AQP7B: variants seen among roughly 807,000 people sequenced by gnomAD.
The protein encoded by AQP7B is putative aquaporin-7B.
chr2:94,588,430 G>A, the AQP7B span: 10 of 609,128 alleles, frequency 1.6e-5, no homozygotes, highest in African/African-American at 1.9e-4. Flanking sequence ...GGGGACCAAG[G>A]TCTGATGGAA....
At chr2:94,604,261 C>T in the AQP7B span, 1 of 1,574,000 alleles carries the variant, frequency 6.4e-7, no homozygotes, top group East Asian at 2.2e-5. Context: ...TCAGCCCCCT[C>T]AGCAGGCCTC....
the AQP7B span, among the ~76,000 whole-genome samples, chr2:94,593,706 G>A: frequency 6.6e-6 from 1 of 151,760 alleles, no homozygotes; most frequent in South Asian, 2.1e-4. Flanking sequence ...GGCTGGTCTC[G>A]AACTCCCAAC....
chr2:94,590,588 A>G, the AQP7B span, among the ~76,000 whole-genome samples: 1 of 152,068 alleles, frequency 6.6e-6, no homozygotes, highest in East Asian at 1.9e-4. Flanking sequence ...TAGATAATTC[A>G]ATGAGTTAAT....
At chr2:94,603,667 C>T in the AQP7B span, 1 of 1,340,806 alleles carries the variant, frequency 7.5e-7, no homozygotes. Context: ...TGTCCTGTGG[C>T]TTGGGGAGGG....
At chr2:94,591,245 G>A in the AQP7B span, among the ~76,000 whole-genome samples, 16 of 152,024 alleles carry the variant, frequency 1.1e-4, no homozygotes, top group African/African-American at 3.1e-4. Context: ...AGTGTCTAGC[G>A]GGCTCCTCAC....
the AQP7B span, among the ~76,000 whole-genome samples, chr2:94,593,541 A>G: frequency 7.1e-6 from 1 of 140,392 alleles, no homozygotes; most frequent in African/African-American, 2.7e-5. Context: ...GCTGGAGTGC[A>G]GTGGCAAGAT....
the AQP7B span, among the ~76,000 whole-genome samples, chr2:94,589,654 G>A: frequency 3.3e-5 from 5 of 152,054 alleles, no homozygotes; most frequent in Admixed American, 6.6e-5. Context: ...AATGAATAGT[G>A]CCCCTCTGTT....
At chr2:94,603,355 G>A in the AQP7B span, 2 of 1,585,008 alleles carry the variant, frequency 1.3e-6, no homozygotes, top group African/African-American at 1.3e-5. Context: ...TTGGGGGCAG[G>A]TTCGCATGAT....
the AQP7B span, among the ~76,000 whole-genome samples, chr2:94,597,271 G>A: frequency 6.6e-6 from 1 of 152,126 alleles, no homozygotes; most frequent in Admixed American, 6.5e-5. Context: ...CCCCATGAGG[G>A]CTGTTAACCC....
the AQP7B span, chr2:94,603,383 C>A: frequency 7.5e-6 from 12 of 1,603,308 alleles, no homozygotes; most frequent in Middle Eastern, 8.3e-4. Context: ...GTCTCCGCAG[C>A]GGCCATTCTC....
the AQP7B span, among the ~76,000 whole-genome samples, chr2:94,588,342 G>A: frequency 1.3e-5 from 2 of 151,906 alleles, no homozygotes; most frequent in Non-Finnish European, 2.9e-5. Flanking sequence ...CATTGGCTGA[G>A]CACCACTCCT....
At chr2:94,594,913 A>T in the AQP7B span, 7 of 1,220,152 alleles carry the variant, frequency 5.7e-6, no homozygotes, top group African/African-American at 1.5e-5. Flanking sequence ...GGGCTCCACC[A>T]GGGCTGTCCA....
the AQP7B span, among the ~76,000 whole-genome samples, chr2:94,599,245 C>A: frequency 1.3e-5 from 2 of 152,042 alleles, no homozygotes; most frequent in East Asian, 1.9e-4. Flanking sequence ...GACCTCACTC[C>A]CCCCGGCACC....
the AQP7B span, among the ~76,000 whole-genome samples, chr2:94,588,147 G>T: frequency 2.0e-4 from 30 of 152,202 alleles, no homozygotes; most frequent in African/African-American, 7.0e-4. Context: ...AGCAGCAAGA[G>T]GGATTGAGGT....
the AQP7B span, among the ~76,000 whole-genome samples, chr2:94,599,421 C>T: frequency 6.6e-6 from 1 of 152,162 alleles, no homozygotes; most frequent in Non-Finnish European, 1.5e-5. Flanking sequence ...CTCAGACATC[C>T]CCAAAGCTGC....
the AQP7B span, chr2:94,603,795 G>C: frequency 6.5e-7 from 1 of 1,527,330 alleles, no homozygotes; most frequent in Non-Finnish European, 9.0e-7. Context: ...GAACACACGC[G>C]CTGGTGATAA....
At chr2:94,588,007 G>A in the AQP7B span, among the ~76,000 whole-genome samples, 1 of 152,008 alleles carries the variant, frequency 6.6e-6, no homozygotes, top group African/African-American at 2.4e-5. Context: ...GGAATTTTTG[G>A]GTGAGGTACA....
the AQP7B span, among the ~76,000 whole-genome samples, chr2:94,597,077 C>A: frequency 6.6e-6 from 1 of 152,120 alleles, no homozygotes; most frequent in Admixed American, 6.5e-5. Flanking sequence ...GTGTGGTACC[C>A]ATGTATTGCT....
chr2:94,601,293 C>T, the AQP7B span, among the ~76,000 whole-genome samples: 4 of 152,180 alleles, frequency 2.6e-5, no homozygotes, highest in Non-Finnish European at 4.4e-5. Context: ...GTTTCTGGCT[C>T]GGCCAACGGG....
Sources: gnomAD v4.1 joint callset for allele counts (sites outside exome capture counted in the v4.1 genomes callset) on GRCh38, gnomAD v4.1.1 for gene constraint, MANE v1.5 for transcripts, NCBI Gene and HGNC (gene_info 2026-07-23, HGNC 2026-07-21) for gene names.